DAB2IP: variants seen among roughly 807,000 people sequenced by gnomAD.
DAB2IP encodes the protein DAB2 interacting protein, also known as disabled homolog 2-interacting protein.
DAB2IP carries 28 observed loss-of-function variants against 107.2 expected under a neutral mutation model. That is an observed-to-expected ratio of 0.26 (90% CI 0.19 to 0.36). DAB2IP has a LOEUF of 0.36. Among genes scored for constraint, DAB2IP ranks in the 10% least tolerant of loss-of-function variants. The pLI, the probability that DAB2IP is intolerant of heterozygous loss-of-function variation, is 1.00. For synonymous variants in DAB2IP, 755 were observed against 706.4 expected (o/e 1.07, Z -1.09); for missense variants, 1,400 against 1,644.7 (o/e 0.85, Z 2.57).
intron 3 of DAB2IP, chr9:121,742,862 C>T: frequency 1.0e-6 from 1 of 985,456 alleles, no homozygotes; most frequent in Non-Finnish European, 1.2e-6. Context: ...AAAGATAGAC[C>T]CGACCCCACA....
intron 3 of DAB2IP, among the ~76,000 whole-genome samples, chr9:121,744,878 G>A (rs1293651914): frequency 6.6e-6 from 1 of 152,202 alleles, no homozygotes; most frequent in Non-Finnish European, 1.5e-5. Flanking sequence ...GCCAGGCGTA[G>A]ACGGATAGGC....
At chr9:121,685,348 G>A (rs1239529749) in intron 2 of DAB2IP, among the ~76,000 whole-genome samples, 1 of 152,238 alleles carries the variant, frequency 6.6e-6, no homozygotes, top group African/African-American at 2.4e-5. Context: ...GTTCTTCGGG[G>A]CAGGAGTCTG....
At chr9:121,773,072 C>A (rs1834891821) in exon 12 of DAB2IP, 1 of 1,612,590 alleles carries the variant, frequency 6.2e-7, no homozygotes, top group Non-Finnish European at 8.5e-7. Context: ...GCCTTGGCGA[C>A]TCAGGCTCTG....
intron 2 of DAB2IP, among the ~76,000 whole-genome samples, chr9:121,691,213 C>T (rs1829143923): frequency 6.6e-6 from 1 of 152,236 alleles, no homozygotes; most frequent in Non-Finnish European, 1.5e-5. Context: ...GCCATGGCCC[C>T]TGCTCTGGAG....
intron 3 of DAB2IP, among the ~76,000 whole-genome samples, chr9:121,739,491 G>A (rs1832164246): frequency 1.3e-5 from 2 of 152,216 alleles, no homozygotes; most frequent in South Asian, 4.1e-4. Flanking sequence ...CCCTGGTAGG[G>A]GTAAGGGGAA....
At chr9:121,643,782 C>G (rs966734434) in intron 1 of DAB2IP, among the ~76,000 whole-genome samples, 1 of 150,204 alleles carries the variant, frequency 6.7e-6, no homozygotes, top group African/African-American at 2.4e-5. Context: ...GCCATCATCT[C>G]TCCCACTGTT....
chr9:121,583,368 G>A (rs1830245291), intron 1 of DAB2IP, among the ~76,000 whole-genome samples: 1 of 152,156 alleles, frequency 6.6e-6, no homozygotes, highest in African/African-American at 2.4e-5. Context: ...TCCAGCCTGG[G>A]CAACTGAGTG....
chr9:121,774,204 C>A, intron 12 of DAB2IP, 56 bp from the exon 13 acceptor site: 1 of 1,499,018 alleles, frequency 6.7e-7, no homozygotes, highest in Non-Finnish European at 8.9e-7. Flanking sequence ...CCACTCCCGC[C>A]CCTCCTGCTT....
intron 1 of DAB2IP, among the ~76,000 whole-genome samples, chr9:121,608,496 G>A (rs187335233): frequency 6.6e-6 from 1 of 152,306 alleles, no homozygotes; most frequent in East Asian, 1.9e-4. Flanking sequence ...GCTCATGATG[G>A]GCTTGGGGAG....
At chr9:121,770,776 A>G (rs772610644) in intron 11 of DAB2IP, 52 bp downstream of exon 11, 2 of 1,592,370 alleles carry the variant, frequency 1.3e-6, no homozygotes, top group Admixed American at 1.7e-5. Flanking sequence ...CAGACTAGGC[A>G]CAGCCCATCT....
chr9:121,688,433 C>A (rs533561482), intron 2 of DAB2IP, among the ~76,000 whole-genome samples: 2 of 152,304 alleles, frequency 1.3e-5, no homozygotes, highest in South Asian at 4.1e-4. Context: ...AGATGGCTCC[C>A]AGCAGGGTGG....
At chr9:121,761,592 G>A (rs375407725) in intron 6 of DAB2IP, among the ~76,000 whole-genome samples, 1 of 152,218 alleles carries the variant, frequency 6.6e-6, no homozygotes, top group African/African-American at 2.4e-5. Flanking sequence ...CCTCCCTCTT[G>A]CACTTGCTGT....
At chr9:121,673,211 C>T (rs1418690612) in intron 1 of DAB2IP, among the ~76,000 whole-genome samples, 3 of 152,168 alleles carry the variant, frequency 2.0e-5, no homozygotes, top group African/African-American at 7.2e-5. Context: ...CTCCTGGTGT[C>T]AGCTTGGCTC....
At chr9:121,683,424 T>G (rs1247145316) in intron 2 of DAB2IP, among the ~76,000 whole-genome samples, 1 of 152,148 alleles carries the variant, frequency 6.6e-6, no homozygotes, top group Non-Finnish European at 1.5e-5. Flanking sequence ...TGAGGATGGC[T>G]GGCAGGCCTG....
chr9:121,695,985 C>T (rs1829406243), intron 2 of DAB2IP, among the ~76,000 whole-genome samples: 1 of 152,164 alleles, frequency 6.6e-6, no homozygotes, highest in African/African-American at 2.4e-5. Context: ...TCTCCTGCCT[C>T]AGCCTCCCGA....
intron 1 of DAB2IP, among the ~76,000 whole-genome samples, chr9:121,673,392 A>T (rs1833759752): frequency 6.6e-6 from 1 of 152,178 alleles, no homozygotes; most frequent in Non-Finnish European, 1.5e-5. Flanking sequence ...TGGAAAATGG[A>T]ACTCACTATA....
chr9:121,762,309 C>A (rs930406896), intron 6 of DAB2IP, among the ~76,000 whole-genome samples: 8 of 152,178 alleles, frequency 5.3e-5, no homozygotes, highest in Non-Finnish European at 1.2e-4. Flanking sequence ...AGCACTGGGG[C>A]CTGGCTCTCA....
At chr9:121,748,113 A>G (rs112157262) in intron 3 of DAB2IP, among the ~76,000 whole-genome samples, 5,130 of 152,204 alleles carry the variant, frequency 0.034, 264 homozygotes, top group African/African-American at 0.11. Flanking sequence ...GGTAGCAGTT[A>G]TGATAGTTTA....
intron 8 of DAB2IP, 23 bp downstream of exon 8, chr9:121,763,902 C>T (rs1834073655): frequency 6.2e-7 from 1 of 1,610,122 alleles, no homozygotes; most frequent in Non-Finnish European, 8.5e-7. Flanking sequence ...CCCAGGTCTC[C>T]CCACCCTGTC....
Sources: allele counts gnomAD v4.1 joint callset (sites outside exome capture counted in the v4.1 genomes callset), GRCh38; gene constraint gnomAD v4.1.1; transcripts MANE v1.5; gene names NCBI Gene and HGNC (gene_info 2026-07-23, HGNC 2026-07-21).